MGAM: variants seen among roughly 807,000 people sequenced by gnomAD.
MGAM encodes the protein maltase-glucoamylase, also known as alpha-1,4-glucosidase.
In MGAM, 253 loss-of-function variants were observed where a neutral mutation model predicts 358.8. The observed-to-expected ratio is 0.71, with a 90% CI of 0.64 to 0.78. The LOEUF is 0.78. Ranked by LOEUF, MGAM falls within the 30% of genes least tolerant of loss-of-function variation. The probability of loss-of-function intolerance (pLI) is 0.00; values close to 1 mark genes in which losing one functional copy is unlikely to be tolerated. For missense variants in MGAM, 3,080 were observed against 3,432.6 expected, an observed-to-expected ratio of 0.90 and a Z score of 2.57; for synonymous variants, 1,105 against 1,227.1, an observed-to-expected ratio of 0.90 and a Z score of 2.08.
At chr7:142,024,096 G>A (rs1554460032) in intron 7 of MGAM, among the ~76,000 whole-genome samples, 2 of 152,044 alleles carry the variant, frequency 1.3e-5, no homozygotes, top group African/African-American at 4.8e-5. Context: ...CATGGTGGTG[G>A]CGGGTGCCTG....
intron 68 of MGAM, among the ~76,000 whole-genome samples, chr7:142,101,337 G>A (rs1344320355): frequency 6.6e-6 from 1 of 151,562 alleles, no homozygotes; most frequent in Non-Finnish European, 1.5e-5. Flanking sequence ...GAAATTATTA[G>A]CTATTTCTAG....
chr7:142,014,891 T>C (rs1417727720), intron 3 of MGAM, among the ~76,000 whole-genome samples: 3 of 152,156 alleles, frequency 2.0e-5, no homozygotes, highest in Admixed American at 1.3e-4. Context: ...AAAGTTTTTC[T>C]TCAATATATT....
upstream of MGAM, chr7:141,995,799 G>A (rs1330691987): frequency 1.3e-5 from 2 of 152,166 alleles, no homozygotes; most frequent in South Asian, 2.1e-4. Context: ...GCATTTGAAA[G>A]CCATTAACAT....
In MGAM at chr7:142,093,540, C is replaced by A. The variant is rs1463243384; in HGVS notation, c.7162C>A (p.Pro2388Thr). ...HNLYGWSQTR[P>T]TYEAVQEVTG... is the part of the protein sequence containing the mutation. The stretch of plus-strand genomic sequence containing the variant: ...CCTGTACGGGTGGTCCCAGACCAGA[C>A]CCACATACGAGTGAGTCTCTGTCTC... The change falls in exon 60 of 71, where the codon CCC becomes ACC. Residue 2388 changes from proline (P) to threonine (T), a missense_variant. Pro to Thr is a conservative substitution (Grantham distance 38). Transcript: ENST00000475668. 1 of 1,500,546 alleles carries A rather than the reference C, an allele frequency of 6.7e-7. No individual in the cohort carries two copies. The highest frequency in any genetic ancestry group is 2.0e-5 in the Admixed American group (1 of 50,106). 93.0% of individuals were successfully genotyped at this position (1,500,546 alleles called of 1,614,324 possible).
chr7:142,064,512 C>T lies in MGAM; in HGVS notation c.4474C>T (p.Pro1492Ser), dbSNP rs1457842974. The T allele has an allele frequency of 1.3e-6, 2 of 1,574,494 alleles. No homozygotes were observed. Among genetic ancestry groups the T allele is most frequent in the East Asian group, 2.3e-5 (1 of 42,578 alleles). ...HNLYGWSQTR[P>S]TYEAVQEVTG... is the part of the protein sequence containing the mutation. The stretch of plus-strand genomic sequence containing the variant: ...CCTGTATGGGTGGTCCCAGACCAGA[C>T]CCACATACGAGTGAGTCTCCGTCTC... The change falls in exon 37 of 71, where the codon CCC becomes TCC. Residue 1492 changes from proline to serine, a missense_variant. Pro to Ser is a moderately conservative substitution (Grantham distance 74, BLOSUM62 -1). This residue lies in a region of MGAM where 134 missense variants were observed against 198.4 expected (regional missense o/e 0.68). Coordinates refer to ENST00000475668, the MANE Select transcript of MGAM (RefSeq NM_001365693.1).
chr7:142,033,081 G>C (rs1807661533), intron 14 of MGAM, among the ~76,000 whole-genome samples, 172 bp downstream of exon 14: 1 of 152,132 alleles, frequency 6.6e-6, no homozygotes, highest in Non-Finnish European at 1.5e-5. Flanking sequence ...AACACACTAT[G>C]CTTTCCTAAA....
In MGAM at chr7:142,050,754, T is replaced by C; in HGVS notation, c.2695T>C (p.Phe899Leu). The C allele has an allele frequency of 6.2e-7, 1 of 1,613,790 alleles. No individual in the cohort carries two copies. Among genetic ancestry groups the C allele is most frequent in the Non-Finnish European group, 8.5e-7 (1 of 1,179,730 alleles). ...CTACAAGGACCCCAATAATTTAGCA[T>C]TTAATGAGATTAAAATTCTTGGGAC... ...STYKDPNNLA[F>L]NEIKILGTEE... Residue 899 changes from phenylalanine to leucine, a missense_variant, in exon 24 of 71, where the codon TTT becomes CTT. Transcript: ENST00000475668.
At chr7:142,053,158 A>G (rs1486068932) in intron 26 of MGAM, among the ~76,000 whole-genome samples, 174 bp downstream of exon 26, 4 of 152,142 alleles carry the variant, frequency 2.6e-5, no homozygotes, top group Non-Finnish European at 5.9e-5. Flanking sequence ...CCTAATTTTC[A>G]TTTGGAAAAG....
chr7:142,106,556 A>G lies in MGAM; in HGVS notation c.*665A>G, dbSNP rs1386118591. The G allele has an allele frequency of 6.6e-6, 1 of 152,252 alleles. No individual in the cohort carries two copies. Among genetic ancestry groups the G allele is most frequent in the African/African-American group, 2.4e-5 (1 of 41,464 alleles). 9.4% of individuals were successfully genotyped at this position (152,252 alleles called of 1,614,324 possible). On this transcript the variant is annotated 3_prime_UTR_variant, in exon 71 of 71. Coordinates refer to ENST00000475668, the MANE Select transcript of MGAM (RefSeq NM_001365693.1). Reference sequence around the variant, plus strand: ...GGGTCTTGAGAAATCCTTAGCATAAAGGGCTACTGGTGAGATTGAGATCTG... The same window carrying G: ...GGGTCTTGAGAAATCCTTAGCATAAGGGGCTACTGGTGAGATTGAGATCTG...
chr7:142,096,225 A>T (rs978401060), intron 64 of MGAM, 106 bp from the exon 65 acceptor site: 18 of 1,127,792 alleles, frequency 1.6e-5, no homozygotes, highest in Middle Eastern at 4.5e-4. Context: ...AGGATGGCTC[A>T]GGGGCAGCTG....
chr7:142,055,537 A>G (rs765685038), intron 27 of MGAM, 21 bp from the exon 28 acceptor site: 11 of 1,613,874 alleles, frequency 6.8e-6, no homozygotes, highest in Non-Finnish European at 9.3e-6. Flanking sequence ...TCTGTTTCAA[A>G]TCTGCGTTTT....
chr7:142,008,049 C>T (rs1238507986), intron 2 of MGAM, among the ~76,000 whole-genome samples: 1 of 152,138 alleles, frequency 6.6e-6, no homozygotes, highest in Non-Finnish European at 1.5e-5. Context: ...GCCATAATGA[C>T]TTAATTTTGC....
intron 3 of MGAM, among the ~76,000 whole-genome samples, chr7:142,013,649 A>C (rs1805767277): frequency 6.6e-6 from 1 of 152,140 alleles, no homozygotes; most frequent in Non-Finnish European, 1.5e-5. Context: ...ATAGGGTGGC[A>C]ATTTCTCTTT....
In MGAM at chr7:142,085,587, A is replaced by T. The variant is rs548567003; in HGVS notation, c.6508-246A>T. On this transcript the variant is annotated intron_variant, in intron 54 of 70. Coordinates refer to ENST00000475668, the MANE Select transcript of MGAM (RefSeq NM_001365693.1). ...CAGTGTTCGTATTTATCCTCAGAAT[A>T]GCCATCTTAGAGAGGCATTCTCATC... is the stretch of plus-strand genomic sequence containing the variant. Among the ~76,000 whole-genome samples the T allele has an allele frequency of 1.6e-4, 23 of 146,418 alleles. 2 individuals are homozygous for T. In the South Asian group the frequency reaches 5.0e-3, roughly 32 times the overall value.
chr7:142,000,251 G>A (rs1412743846), intron 1 of MGAM, among the ~76,000 whole-genome samples: 4 of 152,190 alleles, frequency 2.6e-5, no homozygotes, highest in Non-Finnish European at 5.9e-5. Context: ...AGCCAGGACT[G>A]TAGTCATGTG....
At chr7:142,037,253 T>G (rs918688884) in intron 18 of MGAM, among the ~76,000 whole-genome samples, 1 of 152,184 alleles carries the variant, frequency 6.6e-6, no homozygotes, top group Non-Finnish European at 1.5e-5. Context: ...GTTCTGCCAT[T>G]CACTAACTCT....
intron 64 of MGAM, chr7:142,096,008 G>T: frequency 1.7e-6 from 1 of 600,708 alleles, no homozygotes; most frequent in Non-Finnish European, 2.9e-6. Flanking sequence ...GTTATATGTA[G>T]CCAGATCACA....
At position 142,075,883 on chromosome 7, in the gene MGAM, A is replaced by C. The variant is rs1212008340; in HGVS notation, c.5276-320A>C. Among the ~76,000 whole-genome samples the C allele has an allele frequency of 1.4e-5, 2 of 146,100 alleles. 1 individual carries two copies. The highest frequency in any genetic ancestry group is 3.1e-5 in the Non-Finnish European group (2 of 64,488). On this transcript the variant is annotated intron_variant, in intron 45 of 70. Transcript: ENST00000475668. Reference sequence around the variant, plus strand: ...ATGGAAAATAGAATGGAGGTTCCTCAAAAAATTAAAAACAGAACTTCCATA... The same window carrying C: ...ATGGAAAATAGAATGGAGGTTCCTCCAAAAATTAAAAACAGAACTTCCATA...
At chr7:142,023,985 A>G (rs1584934745) in intron 7 of MGAM, among the ~76,000 whole-genome samples, 2 of 152,046 alleles carry the variant, frequency 1.3e-5, no homozygotes, top group South Asian at 2.1e-4. Flanking sequence ...TGTAATCCCA[A>G]CAGTTTGGGA....
Sources: gnomAD v4.1 joint callset for allele counts (sites outside exome capture counted in the v4.1 genomes callset) on GRCh38, gnomAD v4.1.1 for gene constraint, gnomAD v4.1.1 regional missense constraint, MANE v1.5 for transcripts, NCBI Gene and HGNC (gene_info 2026-07-23, HGNC 2026-07-21) for gene names.